The following SULT2B1 variants were observed in gnomAD, a reference collection of about 807,000 sequenced individuals.
SULT2B1 encodes sulfotransferase 2B1.
Under a neutral mutation model 33.2 loss-of-function variants are expected in SULT2B1, and 16 were observed. The ratio of observed to expected loss-of-function variants is 0.48; its 90% CI spans 0.33 to 0.73. The LOEUF (loss-of-function observed/expected upper bound fraction) is 0.73. Among genes scored for constraint, SULT2B1 ranks in the 30% least tolerant of loss-of-function variants. SULT2B1 has a pLI of 0.02. For synonymous variants in SULT2B1, 186 were observed against 200.5 expected, an observed-to-expected ratio of 0.93 and a Z score of 0.61; for missense variants, 500 against 506.0, an observed-to-expected ratio of 0.99 and a Z score of 0.11.
chr19:48,584,436 CTCAT>C (rs1333862903), intron 2 of SULT2B1, among the ~76,000 whole-genome samples: 1 of 152,212 alleles, frequency 6.6e-6, no homozygotes, highest in East Asian at 1.9e-4. Context: ...GAGCCCCATC[CTCAT>C]TCAGTGTTCC....
At chr19:48,588,123 T>C (rs1357619628) in intron 3 of SULT2B1, among the ~76,000 whole-genome samples, 1 of 151,090 alleles carries the variant, frequency 6.6e-6, no homozygotes, top group Non-Finnish European at 1.5e-5. Flanking sequence ...GGCAGGAGAA[T>C]TGCTGGAACC....
chr19:48,596,804 G>A lies in SULT2B1; in HGVS notation c.711G>A (p.Leu237=), dbSNP rs1973721924. The change falls in exon 6 of 7, where the codon CTG becomes CTA. Residue 237 remains leucine (L), a synonymous_variant. Coordinates refer to ENST00000201586, the MANE Select transcript of SULT2B1 (RefSeq NM_177973.2). The part of the protein sequence containing the change: ...FLGRPLGKEA[L]GSVVAHSTFS... ...GCCGTCCGCTGGGCAAGGAGGCACT[G>A]GGCTCCGTCGTGGCACACTCAACCT... 5 of 1,609,776 alleles carry A rather than the reference G, an allele frequency of 3.1e-6. No homozygotes were observed. In the African/African-American group the frequency reaches 5.3e-5, roughly 17 times the overall value.
chr19:48,594,710 G>A (rs751994014), intron 5 of SULT2B1, among the ~76,000 whole-genome samples: 1 of 152,204 alleles, frequency 6.6e-6, no homozygotes, highest in Non-Finnish European at 1.5e-5. Context: ...TGACCATGCT[G>A]GGTGCTGCAT....
In SULT2B1 at chr19:48,556,073, G is replaced by A. The variant is rs143883499; in HGVS notation, c.71+3750G>A. On this transcript the variant is annotated intron_variant, in intron 1 of 6. Coordinates refer to ENST00000201586, the MANE Select transcript of SULT2B1 (RefSeq NM_177973.2). ...GTATCTTTAGTAGAGAAAGGGTTTC[G>A]CCACTTTCGGGACTTTGCGTGCACC... 1.8e-3 allele frequency among the ~76,000 whole-genome samples: 268 copies of A among 152,268 alleles called. 2 individuals are homozygous for A. Among genetic ancestry groups the A allele is most frequent in the African/African-American group, 5.8e-3 (240 of 41,550 alleles).
chr19:48,559,720 C>T (rs1415789722), intron 1 of SULT2B1, among the ~76,000 whole-genome samples: 1 of 151,878 alleles, frequency 6.6e-6, no homozygotes, highest in Non-Finnish European at 1.5e-5. Context: ...CCTCGCCTTG[C>T]CCGGAGGCCT....
chr19:48,594,033 C>A (rs554295679), intron 5 of SULT2B1, among the ~76,000 whole-genome samples: 157 of 151,930 alleles, frequency 1.0e-3, no homozygotes, highest in Non-Finnish European at 8.1e-4. Flanking sequence ...CCGAGGTAGG[C>A]AGATCACCTG....
intron 1 of SULT2B1, among the ~76,000 whole-genome samples, chr19:48,562,296 A>G (rs1296199700): frequency 1.3e-5 from 2 of 152,002 alleles, no homozygotes; most frequent in African/African-American, 4.8e-5. Context: ...GCTGAGGCAG[A>G]AGAATCACTT....
intron 1 of SULT2B1, among the ~76,000 whole-genome samples, chr19:48,569,774 C>T (rs1262574022): frequency 1.3e-5 from 2 of 151,898 alleles, no homozygotes; most frequent in Non-Finnish European, 2.9e-5. Context: ...TAAAGTGATT[C>T]TCCTGCCTCA....
chr19:48,562,690 T>C (rs1973197568), intron 1 of SULT2B1, among the ~76,000 whole-genome samples: 1 of 152,194 alleles, frequency 6.6e-6, no homozygotes, highest in Admixed American at 6.6e-5. Context: ...TTTATTTATT[T>C]ATTTTTTGAG....
chr19:48,592,780 C>G lies in SULT2B1; in HGVS notation c.609C>G (p.Asp203Glu). ...IKGWLRMKGK[D>E]NFLFITYEEL... ...GCTGGCTTCGGATGAAGGGCAAAGACAACTTCCTATTTATCACCTACGAGG... is the reference window on the plus strand; with the variant it reads ...GCTGGCTTCGGATGAAGGGCAAAGAGAACTTCCTATTTATCACCTACGAGG... Residue 203 changes from aspartate to glutamate, a missense_variant, in exon 5 of 7, where the codon GAC becomes GAG. Physicochemically the swap from Asp to Glu is conservative, Grantham distance 45. Coordinates refer to ENST00000201586, the MANE Select transcript of SULT2B1 (RefSeq NM_177973.2). The G allele has an allele frequency of 1.3e-6, 2 of 1,592,686 alleles. No homozygotes were observed. Among genetic ancestry groups the G allele is most frequent in the Non-Finnish European group, 1.7e-6 (2 of 1,168,890 alleles).
intron 2 of SULT2B1, among the ~76,000 whole-genome samples, chr19:48,585,601 G>A (rs892023246): frequency 4.0e-5 from 6 of 151,194 alleles, no homozygotes; most frequent in East Asian, 3.9e-4. Flanking sequence ...ACCGGGAGGC[G>A]GAGGTTGCAG....
In SULT2B1 at chr19:48,587,455, G is replaced by A. The variant is rs766649000; in HGVS notation, c.423+18G>A. The A allele has an allele frequency of 1.4e-5, 23 of 1,613,824 alleles. No individual in the cohort carries two copies. Among genetic ancestry groups the A allele is most frequent in the Non-Finnish European group, 1.9e-5 (22 of 1,179,858 alleles). On this transcript the variant is annotated intron_variant, in intron 3 of 6. Transcript: ENST00000201586. ...AGGCCAAGGTTGGGAGGAGGGGTGT[G>A]TGTCAGTTGGGAGGGGCTGCATGGG...
chr19:48,564,133 C>G (rs1973213499), intron 1 of SULT2B1, among the ~76,000 whole-genome samples: 1 of 151,792 alleles, frequency 6.6e-6, no homozygotes, highest in Non-Finnish European at 1.5e-5. Context: ...GAAGTTCCAG[C>G]TACTTGGGAG....
chr19:48,595,008 C>A (rs1019352290), intron 5 of SULT2B1, among the ~76,000 whole-genome samples: 12 of 151,144 alleles, frequency 7.9e-5, no homozygotes, highest in African/African-American at 2.9e-4. Flanking sequence ...GGTGACAGAG[C>A]CAGGCTTAGT....
rs71179013 is a variant in SULT2B1, at chr19:48,579,605, C to CTTTCTT, written c.214+3525_214+3526insCTTTTT. ...CCTTTTTCTTTTCTTTTCTTTCTTT[C>CTTTCTT]TTTTTTTTTTTTTTTTTTGAGACGA... On this transcript the variant is annotated intron_variant, in intron 2 of 6. Coordinates refer to ENST00000201586, the MANE Select transcript of SULT2B1 (RefSeq NM_177973.2). Among the ~76,000 whole-genome samples the CTTTCTT allele has an allele frequency of 3.9e-4, 31 of 79,756 alleles. 2 individuals are homozygous for CTTTCTT. The highest frequency in any genetic ancestry group is 1.7e-3 in the Admixed American group (10 of 5,868). The allele number at this position is 79,756 out of a possible 152,430, so 52.3% of individuals were successfully genotyped here. A position where few individuals can be genotyped will look rare whatever the true frequency, so the allele number is the denominator to read the frequency against.
intron 1 of SULT2B1, among the ~76,000 whole-genome samples, chr19:48,559,894 G>T (rs886308215): frequency 2.6e-5 from 4 of 151,742 alleles, no homozygotes; most frequent in Non-Finnish European, 5.9e-5. Context: ...GGCAAGGCAG[G>T]AGGATTGCTT....
chr19:48,555,046 C>A (rs978732712), intron 1 of SULT2B1, among the ~76,000 whole-genome samples: 1 of 152,114 alleles, frequency 6.6e-6, no homozygotes, highest in Admixed American at 6.6e-5. Context: ...TTCTAGCCTC[C>A]GAGTAGCTGG....
At position 48,576,082 on chromosome 19, in the gene SULT2B1, A is replaced by G; in HGVS notation, c.213A>G (p.Ser71=). The G allele has an allele frequency of 6.2e-7, 1 of 1,604,500 alleles. No individual in the cohort carries two copies. Among genetic ancestry groups the G allele is most frequent in the Non-Finnish European group, 8.5e-7 (1 of 1,174,360 alleles). Residue 71 remains serine, a splice_region_variant and synonymous_variant, in exon 2 of 7, where the codon TCA becomes TCG. Coordinates refer to ENST00000201586, the MANE Select transcript of SULT2B1 (RefSeq NM_177973.2). ...DDIFIITYPK[S]GTTWMIEIIC... ...TCTTTATCATCACCTACCCCAAGTC[A>G]GGTACCTGCCGGGCTGCGGGCGTCG...
At chr19:48,554,618 C>G (rs577488969) in intron 1 of SULT2B1, among the ~76,000 whole-genome samples, 1 of 143,284 alleles carries the variant, frequency 7.0e-6, no homozygotes, top group Admixed American at 7.1e-5. Context: ...ACCCCGCCCC[C>G]CCAGCCTCCT....
Sources: gnomAD v4.1 joint callset for allele counts (sites outside exome capture counted in the v4.1 genomes callset) on GRCh38, gnomAD v4.1.1 for gene constraint, MANE v1.5 for transcripts, NCBI Gene and HGNC (gene_info 2026-07-23, HGNC 2026-07-21) for gene names.